RAB5A: variants seen among roughly 807,000 people sequenced by gnomAD.
RAB5A encodes the protein ras-related protein Rab-5A.
A neutral mutation model predicts 25.7 loss-of-function variants in RAB5A; 8 were observed. The ratio of observed to expected loss-of-function variants is 0.31; its 90% CI spans 0.18 to 0.56. The LOEUF (loss-of-function observed/expected upper bound fraction) is 0.56, where lower values mean the gene tolerates loss of function less well. Ranked by LOEUF, RAB5A falls within the 20% of genes least tolerant of loss-of-function variation. RAB5A has a pLI of 0.91. For missense variants in RAB5A, 192 were observed against 259.7 expected (o/e 0.74, Z 1.79); for synonymous variants, 98 against 89.8 (o/e 1.09, Z -0.52).
Position 19,984,140 on chromosome 3 carries a change from C to T in RAB5A, c.*317C>T, listed in dbSNP as rs1342433464. 7.3e-6 allele frequency: 3 copies of T among 409,874 alleles called. No individual in the cohort carries two copies. The Admixed American group carries it at 1.2e-4, about 16-fold the overall frequency. 25.4% of individuals were successfully genotyped at this position (409,874 alleles called of 1,614,324 possible). On this transcript the variant is annotated 3_prime_UTR_variant, in exon 6 of 6. Coordinates refer to ENST00000273047, the MANE Select transcript of RAB5A (RefSeq NM_004162.5). The stretch of plus-strand genomic sequence containing the variant: ...GTCTGGGCCCACACAGTTAACCAGC[C>T]CATTTCTCCACACTGGTACAGTAGT...
chr3:19,968,933 T>C (rs1324532418), intron 2 of RAB5A, among the ~76,000 whole-genome samples: 1 of 152,228 alleles, frequency 6.6e-6, no homozygotes, highest in East Asian at 1.9e-4. Context: ...TAGCATTTTC[T>C]TGCCTTTGCT....
At chr3:19,979,593 C>CT (rs1467718319) in intron 5 of RAB5A, among the ~76,000 whole-genome samples, 2 of 152,106 alleles carry the variant, frequency 1.3e-5, no homozygotes, top group African/African-American at 4.8e-5. Context: ...CCCTAAGGTA[C>CT]TTTTAACTGA....
At chr3:19,982,200 C>G (rs1334293639) in intron 5 of RAB5A, among the ~76,000 whole-genome samples, 1 of 152,110 alleles carries the variant, frequency 6.6e-6, no homozygotes, top group African/African-American at 2.4e-5. Flanking sequence ...ATTGATGCAC[C>G]ACACTCTAAC....
In RAB5A at chr3:19,950,942, G is replaced by A. The variant is rs781668564; in HGVS notation, c.44G>A (p.Gly15Glu). 9.3e-6 allele frequency: 15 copies of A among 1,613,736 alleles called. No individual in the cohort carries two copies. The highest frequency in any genetic ancestry group is 3.3e-4 in the Middle Eastern group (2 of 6,030). The change falls in exon 2 of 6, where the codon GGA becomes GAA. Residue 15 changes from glycine (G) to glutamate (E), a missense_variant. This residue lies in a region of RAB5A where 32 missense variants were observed against 32.4 expected (regional missense o/e 0.99). Coordinates refer to ENST00000273047, the MANE Select transcript of RAB5A (RefSeq NM_004162.5). ...ACAAGACCCAACGGGCCAAATACGG[G>A]AAATAAAATATGCCAGTTCAAACTA... ...GATRPNGPNT[G>E]NKICQFKLVL...
At chr3:19,970,606 A>G (rs547307975) in intron 2 of RAB5A, 1 of 456,688 alleles carries the variant, frequency 2.2e-6, no homozygotes, top group East Asian at 7.0e-5. Context: ...AAAGAAAACC[A>G]ACTGCTAGTG....
intron 5 of RAB5A, among the ~76,000 whole-genome samples, chr3:19,981,653 G>A (rs1307719713): frequency 6.6e-6 from 1 of 151,832 alleles, no homozygotes; most frequent in African/African-American, 2.4e-5. Context: ...TACAACTTAG[G>A]ATGGATATAT....
At chr3:19,978,118 T>G (rs1696854516) in intron 4 of RAB5A, among the ~76,000 whole-genome samples, 192 bp from the exon 5 acceptor site, 1 of 152,170 alleles carries the variant, frequency 6.6e-6, no homozygotes, top group Non-Finnish European at 1.5e-5. Flanking sequence ...AAGGAAATAG[T>G]CCATTATAAA....
chr3:19,952,562 C>T (rs942402049), intron 2 of RAB5A, among the ~76,000 whole-genome samples: 7 of 152,180 alleles, frequency 4.6e-5, no homozygotes, highest in Middle Eastern at 3.2e-3. Context: ...TAGACCCATT[C>T]TAGTAAGATA....
At chr3:19,959,936 A>G (rs369457879) in intron 2 of RAB5A, among the ~76,000 whole-genome samples, 3 of 152,104 alleles carry the variant, frequency 2.0e-5, no homozygotes, top group African/African-American at 4.8e-5. Context: ...TGTTCTGAAT[A>G]TATAAGGTTT....
At chr3:19,976,642 A>G (rs1696828861) in intron 4 of RAB5A, among the ~76,000 whole-genome samples, 1 of 152,174 alleles carries the variant, frequency 6.6e-6, no homozygotes, top group African/African-American at 2.4e-5. Flanking sequence ...CCAAGATCAC[A>G]CTATTGCACT....
In RAB5A at chr3:19,951,672, C is replaced by T. The variant is rs549405615; in HGVS notation, c.163+611C>T. ...TTAGCCTCCCACCAAGTAGTTGGACCTAAGGGTGCATGCCACCATGCCAGG... is the reference window on the plus strand; with the variant it reads ...TTAGCCTCCCACCAAGTAGTTGGACTTAAGGGTGCATGCCACCATGCCAGG... On this transcript the variant is annotated intron_variant, in intron 2 of 5. Coordinates refer to ENST00000273047, the MANE Select transcript of RAB5A (RefSeq NM_004162.5). Among the ~76,000 whole-genome samples, 22 of 147,238 alleles carry T rather than the reference C, an allele frequency of 1.5e-4. No individual in the cohort carries two copies. The East Asian group carries it at 4.3e-3, about 29-fold the overall frequency.
At chr3:19,970,645 G>A (rs1696736763) in intron 2 of RAB5A, 6 of 456,606 alleles carry the variant, frequency 1.3e-5, no homozygotes, top group Non-Finnish European at 2.6e-5. Context: ...AGAAAATGAA[G>A]CGGTCTAAGA....
chr3:19,952,506 G>T (rs1696438378), intron 2 of RAB5A, among the ~76,000 whole-genome samples: 1 of 152,198 alleles, frequency 6.6e-6, no homozygotes, highest in East Asian at 1.9e-4. Context: ...TGTGCATTTA[G>T]TGAATGCTCT....
intron 2 of RAB5A, among the ~76,000 whole-genome samples, chr3:19,973,558 A>C (rs927595722): frequency 6.6e-5 from 10 of 152,176 alleles, no homozygotes; most frequent in Non-Finnish European, 1.5e-5. Context: ...GTGACCTTCA[A>C]AAAGTGACAT....
At chr3:19,962,421 A>G (rs1696599731) in intron 2 of RAB5A, among the ~76,000 whole-genome samples, 1 of 150,530 alleles carries the variant, frequency 6.6e-6, no homozygotes, top group Admixed American at 6.7e-5. Context: ...TACAAAAATT[A>G]ACCGGGCATG....
At chr3:19,977,905 G>GT (rs1387025943) in intron 4 of RAB5A, among the ~76,000 whole-genome samples, 1 of 152,222 alleles carries the variant, frequency 6.6e-6, no homozygotes, top group East Asian at 1.9e-4. Context: ...GTCATTTAGT[G>GT]TTTGAAGCCA....
intron 2 of RAB5A, among the ~76,000 whole-genome samples, chr3:19,958,326 G>T (rs1359554620): frequency 2.0e-5 from 3 of 152,140 alleles, no homozygotes; most frequent in Non-Finnish European, 2.9e-5. Context: ...AGAGAAGTTG[G>T]TAGAGATTTG....
intron 2 of RAB5A, among the ~76,000 whole-genome samples, chr3:19,953,509 G>A (rs772545905): frequency 8.6e-5 from 13 of 150,368 alleles, no homozygotes; most frequent in Non-Finnish European, 1.9e-4. Flanking sequence ...CCAGGATCAA[G>A]CAATTCTCAT....
chr3:19,950,153 G>A lies in RAB5A; in HGVS notation c.-93-653G>A, dbSNP rs150441300. Among the ~76,000 whole-genome samples, 9 of 152,272 alleles carry A rather than the reference G, an allele frequency of 5.9e-5. No homozygotes were observed. The East Asian group carries it at 1.2e-3, about 20-fold the overall frequency. The stretch of plus-strand genomic sequence containing the variant: ...ATCACCACATGGAGAACAACTGTTA[G>A]CATTTCTGTGTATGGTGTGCTTGAG... On this transcript the variant is annotated intron_variant, in intron 1 of 5. Coordinates refer to ENST00000273047, the MANE Select transcript of RAB5A (RefSeq NM_004162.5).
Sources: allele counts gnomAD v4.1 joint callset (sites outside exome capture counted in the v4.1 genomes callset), GRCh38; gene constraint gnomAD v4.1.1; regional missense constraint gnomAD v4.1.1; transcripts MANE v1.5; gene names NCBI Gene and HGNC (gene_info 2026-07-23, HGNC 2026-07-21).